MYO1E: variants seen among roughly 807,000 people sequenced by gnomAD.
The protein encoded by MYO1E is unconventional myosin-Ie.
MYO1E carries 68 observed loss-of-function variants against 151.1 expected under a neutral mutation model. The ratio of observed to expected loss-of-function variants is 0.45; its 90% CI spans 0.37 to 0.55. The LOEUF (loss-of-function observed/expected upper bound fraction) is 0.55, where lower values mean the gene tolerates loss of function less well. Ranked by LOEUF, MYO1E falls within the 20% of genes least tolerant of loss-of-function variation. The pLI is 0.00. For synonymous variants in MYO1E, 601 were observed against 501.7 expected, an observed-to-expected ratio of 1.20 and a Z score of -2.64; for missense variants, 1,363 against 1,389.3, an observed-to-expected ratio of 0.98 and a Z score of 0.30.
intron 1 of MYO1E, among the ~76,000 whole-genome samples, chr15:59,311,862 C>G (rs1165659393): frequency 6.6e-6 from 1 of 152,138 alleles, no homozygotes; most frequent in Non-Finnish European, 1.5e-5. Flanking sequence ...CTTGCTATCT[C>G]TCACACACTT....
chr15:59,140,036 C>A (rs2079400094), intron 26 of MYO1E, among the ~76,000 whole-genome samples: 1 of 151,764 alleles, frequency 6.6e-6, no homozygotes. Flanking sequence ...AACATCTGCA[C>A]TACTGACATT....
At chr15:59,300,355 G>GCA (rs143465999) in intron 1 of MYO1E, among the ~76,000 whole-genome samples, 2 of 151,716 alleles carry the variant, frequency 1.3e-5, no homozygotes, top group Non-Finnish European at 2.9e-5. Context: ...GTGCACACAG[G>GCA]CACACACACA....
chr15:59,356,810 C>A (rs1304887650), intron 1 of MYO1E, among the ~76,000 whole-genome samples: 1 of 152,124 alleles, frequency 6.6e-6, no homozygotes, highest in Non-Finnish European at 1.5e-5. Context: ...CTCAAGGGAT[C>A]TGCCTCCCTT....
intron 1 of MYO1E, among the ~76,000 whole-genome samples, chr15:59,346,315 G>A (rs1483604969): frequency 6.6e-6 from 1 of 152,094 alleles, no homozygotes; most frequent in African/African-American, 2.4e-5. Flanking sequence ...CTGCAACCCT[G>A]CCAAAGAGCC....
chr15:59,301,485 C>T (rs190531266), intron 1 of MYO1E, among the ~76,000 whole-genome samples: 147 of 152,314 alleles, frequency 9.7e-4, no homozygotes, highest in African/African-American at 1.2e-3. Context: ...ATCCCCTCAC[C>T]GACTCAACAG....
At chr15:59,217,823 C>A in intron 10 of MYO1E, 68 bp downstream of exon 10, 1 of 1,567,856 alleles carries the variant, frequency 6.4e-7, no homozygotes, top group South Asian at 1.1e-5. Flanking sequence ...CCACCGCACC[C>A]AGCCTACTAG....
At chr15:59,167,186 G>C (rs748742838) in intron 22 of MYO1E, among the ~76,000 whole-genome samples, 1 of 152,214 alleles carries the variant, frequency 6.6e-6, no homozygotes, top group African/African-American at 2.4e-5. Flanking sequence ...GGGCAAGAAT[G>C]TTGTGACCAG....
At chr15:59,189,722 G>T (rs1283911614) in intron 17 of MYO1E, among the ~76,000 whole-genome samples, 7 of 152,134 alleles carry the variant, frequency 4.6e-5, no homozygotes, top group Admixed American at 4.6e-4. Flanking sequence ...TTACAGGCAT[G>T]TGCCACCATG....
At chr15:59,336,746 C>G (rs554931256) in intron 1 of MYO1E, among the ~76,000 whole-genome samples, 1 of 148,944 alleles carries the variant, frequency 6.7e-6, no homozygotes, top group African/African-American at 2.5e-5. Flanking sequence ...CCTCCCCTAG[C>G]CCCCCACCCC....
intron 2 of MYO1E, among the ~76,000 whole-genome samples, chr15:59,263,769 A>G (rs1197370806): frequency 2.6e-5 from 4 of 152,172 alleles, no homozygotes; most frequent in African/African-American, 9.6e-5. Flanking sequence ...GCTAAGAGAA[A>G]ATGCTGATGA....
chr15:59,253,001 A>G (rs1258247774), intron 4 of MYO1E, among the ~76,000 whole-genome samples: 1 of 152,260 alleles, frequency 6.6e-6, no homozygotes, highest in Non-Finnish European at 1.5e-5. Context: ...GGAAACCAAC[A>G]GAGCCTACTG....
chr15:59,180,631 T>G (rs539923630), intron 18 of MYO1E, among the ~76,000 whole-genome samples: 1 of 151,872 alleles, frequency 6.6e-6, no homozygotes, highest in Non-Finnish European at 1.5e-5. Flanking sequence ...GTCTTGGCAA[T>G]ACATGGGAAT....
At chr15:59,275,852 C>T (rs2080315466) in intron 1 of MYO1E, among the ~76,000 whole-genome samples, 1 of 152,178 alleles carries the variant, frequency 6.6e-6, no homozygotes, top group African/African-American at 2.4e-5. Context: ...AAAAGTTCCC[C>T]ACAGTGAAAC....
chr15:59,321,520 T>C (rs1305431657), intron 1 of MYO1E, among the ~76,000 whole-genome samples: 9 of 152,218 alleles, frequency 5.9e-5, no homozygotes, highest in Admixed American at 3.9e-4. Flanking sequence ...AGCGAAATCA[T>C]GTCCTTTGAA....
intron 10 of MYO1E, among the ~76,000 whole-genome samples, chr15:59,215,792 C>T (rs1217801988): frequency 6.6e-6 from 1 of 152,072 alleles, no homozygotes; most frequent in Non-Finnish European, 1.5e-5. Flanking sequence ...TGACAGGTGA[C>T]AGGTAGAAAG....
At chr15:59,330,892 T>C (rs1378371601) in intron 1 of MYO1E, among the ~76,000 whole-genome samples, 4 of 152,248 alleles carry the variant, frequency 2.6e-5, no homozygotes, top group Non-Finnish European at 4.4e-5. Flanking sequence ...CCTCAGCCCC[T>C]GCAGGTAGCT....
At chr15:59,372,404 G>C (rs2080952356) in intron 1 of MYO1E, 94 bp downstream of exon 1, 2 of 1,461,824 alleles carry the variant, frequency 1.4e-6, no homozygotes, top group African/African-American at 1.4e-5. Flanking sequence ...TCCACCCCTG[G>C]CCCCGGCAGC....
At chr15:59,213,875 C>T (rs1317089095) in intron 12 of MYO1E, among the ~76,000 whole-genome samples, 2 of 152,200 alleles carry the variant, frequency 1.3e-5, no homozygotes, top group Non-Finnish European at 2.9e-5. Context: ...TGGCGTAGAT[C>T]TGAGGAAACC....
chr15:59,347,098 T>C (rs1362725460), intron 1 of MYO1E, among the ~76,000 whole-genome samples: 2 of 152,158 alleles, frequency 1.3e-5, no homozygotes, highest in South Asian at 2.1e-4. Context: ...CCCGGGGCCA[T>C]GGACCCGTGC....
Sources: gnomAD v4.1 joint callset for allele counts (sites outside exome capture counted in the v4.1 genomes callset) on GRCh38, gnomAD v4.1.1 for gene constraint, MANE v1.5 for transcripts, NCBI Gene and HGNC (gene_info 2026-07-23, HGNC 2026-07-21) for gene names.